The following CDH18 variants were observed in gnomAD, a reference collection of about 807,000 sequenced individuals.
The protein encoded by CDH18 is cadherin 18.
Under a neutral mutation model 67.9 loss-of-function variants are expected in CDH18, and 31 were observed. The observed-to-expected ratio is 0.46, with a 90% CI of 0.34 to 0.62. The LOEUF (loss-of-function observed/expected upper bound fraction) is 0.62. Among genes scored for constraint, CDH18 ranks in the 20% least tolerant of loss-of-function variants. The pLI is 0.01. For missense variants in CDH18, 890 were observed against 975.5 expected, an observed-to-expected ratio of 0.91 and a Z score of 1.17; for synonymous variants, 362 against 347.2, an observed-to-expected ratio of 1.04 and a Z score of -0.48.
At chr5:19,553,295 G>T (rs1737788883) in intron 8 of CDH18, among the ~76,000 whole-genome samples, 1 of 151,920 alleles carries the variant, frequency 6.6e-6, no homozygotes, top group Admixed American at 6.6e-5. Flanking sequence ...TTCACCACAA[G>T]AAATTAATTT....
In CDH18 at chr5:20,028,267, T is replaced by C. The variant is rs191990099; in HGVS notation, c.-517-36253A>G. Among the ~76,000 whole-genome samples, 502 of 152,278 alleles carry C rather than the reference T, an allele frequency of 3.3e-3. 3 individuals carry two copies. The highest frequency in any genetic ancestry group is 0.011 in the African/African-American group (472 of 41,572). On this transcript the variant is annotated intron_variant, in intron 2 of 14. Coordinates refer to the CDH18 transcript ENST00000507958. The stretch of plus-strand genomic sequence containing the variant: ...TTATGGAAAACAGTTCTTTCTCCTA[T>C]ATGAAAACATTAAATTGTTTAGCTT...
At chr5:20,368,935 G>A (rs1489136339) in intron 1 of CDH18, among the ~76,000 whole-genome samples, 5 of 152,116 alleles carry the variant, frequency 3.3e-5, no homozygotes, top group Non-Finnish European at 5.9e-5. Context: ...TGAATTTTCA[G>A]AACAAAGTCC....
At chr5:20,464,786 G>A (rs907521379) in intron 1 of CDH18, among the ~76,000 whole-genome samples, 1 of 152,138 alleles carries the variant, frequency 6.6e-6, no homozygotes, top group Non-Finnish European at 1.5e-5. Flanking sequence ...GCAAGGAAGA[G>A]AAGTTGGAGA....
At chr5:20,062,186 T>G (rs2150510536) in intron 2 of CDH18, among the ~76,000 whole-genome samples, 1 of 59,302 alleles carries the variant, frequency 1.7e-5, no homozygotes, top group South Asian at 6.5e-4. Context: ...TGAGACAGTC[T>G]TGCTGTGTTA....
At chr5:20,090,871 AT>A (rs960791961) in intron 2 of CDH18, among the ~76,000 whole-genome samples, 1 of 151,736 alleles carries the variant, frequency 6.6e-6, no homozygotes, top group Non-Finnish European at 1.5e-5. Context: ...ATTTACAAAA[AT>A]ATATATATAA....
At chr5:20,082,702 C>T (rs1346835206) in intron 2 of CDH18, among the ~76,000 whole-genome samples, 1 of 152,142 alleles carries the variant, frequency 6.6e-6, no homozygotes, top group East Asian at 1.9e-4. Flanking sequence ...AAAATGAGGA[C>T]ATTATTGTTG....
intron 2 of CDH18, among the ~76,000 whole-genome samples, chr5:20,194,210 A>G (rs1011213370): frequency 6.6e-6 from 1 of 152,160 alleles, no homozygotes; most frequent in Non-Finnish European, 1.5e-5. Flanking sequence ...TTTTATATTT[A>G]GAAAACCCCA....
chr5:19,940,978 G>A (rs1016373353), intron 2 of CDH18, among the ~76,000 whole-genome samples: 1 of 152,098 alleles, frequency 6.6e-6, no homozygotes, highest in Non-Finnish European at 1.5e-5. Context: ...CCATCCTAAA[G>A]GGGGAGGGTG....
intron 1 of CDH18, among the ~76,000 whole-genome samples, chr5:20,261,240 G>T (rs1040713906): frequency 6.6e-6 from 1 of 152,038 alleles, no homozygotes; most frequent in Non-Finnish European, 1.5e-5. Flanking sequence ...AAAATATTAT[G>T]CCATATATTC....
intron 3 of CDH18, among the ~76,000 whole-genome samples, chr5:19,761,156 G>A (rs886778207): frequency 2.0e-5 from 3 of 152,114 alleles, no homozygotes; most frequent in African/African-American, 4.8e-5. Context: ...CACATGATAA[G>A]AGCTTATGTC....
chr5:19,619,452 C>T (rs1232882408), intron 5 of CDH18, among the ~76,000 whole-genome samples: 2 of 152,058 alleles, frequency 1.3e-5, no homozygotes, highest in Non-Finnish European at 2.9e-5. Context: ...TGTTTGTAGG[C>T]TGTGAATTGC....
intron 3 of CDH18, among the ~76,000 whole-genome samples, chr5:19,829,661 C>T (rs1196887958): frequency 6.6e-6 from 1 of 152,148 alleles, no homozygotes; most frequent in African/African-American, 2.4e-5. Context: ...AGATTCAATG[C>T]TATTGCTATC....
intron 2 of CDH18, among the ~76,000 whole-genome samples, chr5:20,060,322 CA>C (rs1349992530): frequency 2.6e-5 from 4 of 151,948 alleles, no homozygotes; most frequent in African/African-American, 9.6e-5. Flanking sequence ...AAAATCAGCC[CA>C]GCATGGTAGG....
intron 10 of CDH18, among the ~76,000 whole-genome samples, chr5:19,513,861 T>A (rs1471639231): frequency 2.0e-5 from 3 of 152,048 alleles, no homozygotes; most frequent in Admixed American, 6.6e-5. Flanking sequence ...GATTTTTTTT[T>A]TATACTTTAA....
At chr5:19,676,036 C>T (rs997585369) in intron 5 of CDH18, among the ~76,000 whole-genome samples, 17 of 151,172 alleles carry the variant, frequency 1.1e-4, no homozygotes, top group African/African-American at 3.6e-4. Context: ...AAACTCACTT[C>T]AATAATTTCA....
At chr5:20,182,897 G>T (rs1236016640) in intron 2 of CDH18, among the ~76,000 whole-genome samples, 2 of 151,992 alleles carry the variant, frequency 1.3e-5, no homozygotes, top group Admixed American at 6.6e-5. Context: ...AACAGCCCAA[G>T]ATCTCTATAC....
At chr5:20,090,749 G>T (rs1161137768) in intron 2 of CDH18, among the ~76,000 whole-genome samples, 3 of 152,010 alleles carry the variant, frequency 2.0e-5, no homozygotes, top group Non-Finnish European at 1.5e-5. Context: ...AGAAATACTG[G>T]CTGGGTGCGG....
intron 1 of CDH18, among the ~76,000 whole-genome samples, chr5:20,491,754 G>A (rs142989397): frequency 0.012 from 1,807 of 152,264 alleles, 20 homozygotes; most frequent in Non-Finnish European, 0.016. Flanking sequence ...TGATATAAAT[G>A]TAAATATCAT....
chr5:19,584,737 C>A lies in CDH18; in HGVS notation c.999+6320G>T, dbSNP rs1478010587. On this transcript the variant is annotated intron_variant, in intron 7 of 12. Transcript: ENST00000382275. ...CGGAAGCTGGCAGATCGTTTGGGCT[C>A]AGGAGTTAGAGACCAGCCAGGGCAA... 3.2e-5 allele frequency among the ~76,000 whole-genome samples: 4 copies of A among 123,154 alleles called. No individual in the cohort carries two copies. The Admixed American group carries it at 4.3e-4, about 13-fold the overall frequency. The allele number at this position is 123,154 out of a possible 152,430, so 80.8% of individuals were successfully genotyped here. A position where few individuals can be genotyped will look rare whatever the true frequency, so the allele number is the denominator to read the frequency against.
Sources: gnomAD v4.1 joint callset for allele counts (sites outside exome capture counted in the v4.1 genomes callset) on GRCh38, gnomAD v4.1.1 for gene constraint, MANE v1.5 for transcripts, NCBI Gene and HGNC (gene_info 2026-07-23, HGNC 2026-07-21) for gene names.